Variants in PDXDC1 observed in about 807,000 individuals in gnomAD.
The protein encoded by PDXDC1 is pyridoxal dependent decarboxylase domain containing 1, also known as pyridoxal-dependent decarboxylase domain-containing protein 1.
Under a neutral mutation model 100.1 loss-of-function variants are expected in PDXDC1, and 42 were observed. The ratio of observed to expected loss-of-function variants is 0.42; its 90% CI spans 0.33 to 0.54. The LOEUF (loss-of-function observed/expected upper bound fraction) is 0.54. Ranked by LOEUF, PDXDC1 falls within the 20% of genes least tolerant of loss-of-function variation. The pLI, the probability that PDXDC1 is intolerant of heterozygous loss-of-function variation, is 0.10. For missense variants in PDXDC1, 636 were observed against 979.2 expected (o/e 0.65, Z 4.68); for synonymous variants, 260 against 371.7 (o/e 0.70, Z 3.46).
intron 16 of PDXDC1, among the ~76,000 whole-genome samples, chr16:15,110,128 C>T (rs4125492): frequency 2.0e-5 from 3 of 146,544 alleles, no homozygotes; most frequent in African/African-American, 5.0e-5. Context: ...CTGGGCAACA[C>T]GAGCAAAGCC....
downstream of PDXDC1, among the ~76,000 whole-genome samples, chr16:15,141,079 C>T (rs1333844087): frequency 6.7e-6 from 1 of 149,810 alleles, no homozygotes; most frequent in Non-Finnish European, 1.5e-5. Flanking sequence ...CGCCCAGCCC[C>T]TGCCAGTCCC....
intron 16 of PDXDC1, among the ~76,000 whole-genome samples, chr16:15,059,033 G>A (rs1214484891): frequency 2.0e-5 from 3 of 152,194 alleles, no homozygotes; most frequent in African/African-American, 7.2e-5. Context: ...AGCTTTGGAT[G>A]TTCAATTAGT....
At chr16:15,135,815 G>T in intron 16 of PDXDC1, 2 of 1,500,608 alleles carry the variant, frequency 1.3e-6, no homozygotes, top group Non-Finnish European at 9.3e-7. Context: ...AGGGGCCACC[G>T]TCACATTGGC....
rs1481675815 is a variant in PDXDC1, at chr16:15,028,889, A to C, written c.1216A>C (p.Lys406Gln). 6.2e-7 allele frequency: 1 copy of C among 1,613,908 alleles called. No homozygotes were observed. The highest frequency in any genetic ancestry group is 1.7e-5 in the Admixed American group (1 of 60,020). Residue 406 changes from lysine (K) to glutamine (Q), a missense_variant, in exon 15 of 23, where the codon AAA becomes CAA. Transcript: ENST00000396410. ...QELPGSDPVF[K>Q]AVPVPNMTPS... is the part of the protein sequence containing the mutation. ...TGTTTTGGTGTCAGATCCGGTGTTT[A>C]AAGCCGTCCCAGTGCCCAACATGAC... is the stretch of plus-strand genomic sequence containing the variant.
chr16:15,052,836 AT>A (rs922899385), intron 16 of PDXDC1, among the ~76,000 whole-genome samples: 1 of 152,098 alleles, frequency 6.6e-6, no homozygotes, highest in African/African-American at 2.4e-5. Flanking sequence ...CAAAAAAAAA[AT>A]AAATAAATAA....
intron 16 of PDXDC1, chr16:15,061,155 ACT>A (rs2044696200): frequency 6.6e-6 from 1 of 152,124 alleles, no homozygotes; most frequent in South Asian, 2.1e-4. Context: ...GCCAGCTCCA[ACT>A]CTGTGTCCCA....
At chr16:14,989,109 G>A (rs1307731022) in intron 1 of PDXDC1, 18 of 1,614,160 alleles carry the variant, frequency 1.1e-5, no homozygotes, top group African/African-American at 2.7e-5. Flanking sequence ...GTGGGTGTCA[G>A]TGATCTTCAT....
At chr16:15,064,245 G>A (rs1234182381) in intron 16 of PDXDC1, among the ~76,000 whole-genome samples, 3 of 151,410 alleles carry the variant, frequency 2.0e-5, no homozygotes, top group Non-Finnish European at 4.4e-5. Context: ...GTGCAATCTC[G>A]GCTCACTGCA....
At chr16:15,093,539 A>G (rs2046225541) in intron 16 of PDXDC1, among the ~76,000 whole-genome samples, 1 of 152,212 alleles carries the variant, frequency 6.6e-6, no homozygotes, top group Admixed American at 6.5e-5. Flanking sequence ...TGTTTAACAC[A>G]GTAAGCAGGA....
rs370310353 is a variant in PDXDC1, at chr16:15,047,238, G to C, written c.1399+17182G>C. Reference sequence around the variant, plus strand: ...AGCCTTCCATCTCAAATCCAGCACAGACTCCTTGCCTGTGCCCAGCACCCA... The same window carrying C: ...AGCCTTCCATCTCAAATCCAGCACACACTCCTTGCCTGTGCCCAGCACCCA... On this transcript the variant is annotated intron_variant, in intron 16 of 16. Transcript: ENST00000535621. 3.4e-5 allele frequency: 19 copies of C among 557,680 alleles called. No homozygotes were observed. The South Asian group carries it at 3.7e-4, about 11-fold the overall frequency. 34.5% of individuals were successfully genotyped at this position (557,680 alleles called of 1,614,324 possible).
chr16:15,009,055 G>T (rs1285811527), intron 7 of PDXDC1, among the ~76,000 whole-genome samples: 1 of 152,402 alleles, frequency 6.6e-6, no homozygotes, highest in African/African-American at 2.4e-5. Flanking sequence ...TGGCTTTTAA[G>T]GAGTCTTGTA....
At chr16:14,975,016 G>T (rs1401984502), upstream of PDXDC1, 21 of 1,533,138 alleles carry the variant, frequency 1.4e-5, no homozygotes, top group Admixed American at 2.0e-5. Flanking sequence ...ACGGGGCCCC[G>T]CCCCGCCGCC....
At chr16:15,101,722 A>ATCATT (rs2046556639) in intron 16 of PDXDC1, among the ~76,000 whole-genome samples, 2 of 148,824 alleles carry the variant, frequency 1.3e-5, no homozygotes, top group Non-Finnish European at 3.0e-5. Context: ...CCCAGGTTAG[A>ATCATT]GTGCAGTGGC....
intron 16 of PDXDC1, chr16:15,047,823 A>G (rs2044136892): frequency 6.4e-7 from 1 of 1,561,924 alleles, no homozygotes; most frequent in Non-Finnish European, 8.8e-7. Flanking sequence ...GGTCAGTTTA[A>G]GTAATGGTTT....
rs1470154023 is a variant in PDXDC1, at chr16:15,126,020, G to C, written c.1400-12859G>C. 6 of 594,430 alleles carry C rather than the reference G, an allele frequency of 1.0e-5. No homozygotes were observed. In the Admixed American group the frequency reaches 1.5e-4, roughly 15 times the overall value. The allele number at this position is 594,430 out of a possible 1,614,324, so 36.8% of individuals were successfully genotyped here. ...TTGACAGCAGACTGGTGCAGCTAAG[G>C]AACAGAGTTTTCAATTTCATTTTTT... On this transcript the variant is annotated intron_variant, in intron 16 of 16. Coordinates refer to the PDXDC1 transcript ENST00000535621.
chr16:15,020,654 A>G (rs2042122830), intron 12 of PDXDC1, among the ~76,000 whole-genome samples: 1 of 151,478 alleles, frequency 6.6e-6, no homozygotes, highest in Non-Finnish European at 1.5e-5. Flanking sequence ...GCGCCACTGC[A>G]CTCCAGCCAG....
intron 16 of PDXDC1, chr16:15,083,720 T>A: frequency 7.9e-7 from 1 of 1,270,032 alleles, no homozygotes; most frequent in Admixed American, 2.8e-5. Flanking sequence ...GAACTGGAAC[T>A]TTTTTTGTTT....
chr16:15,061,836 T>A lies in PDXDC1; in HGVS notation c.1399+31780T>A, dbSNP rs775420157. On this transcript the variant is annotated intron_variant, in intron 16 of 16. Coordinates refer to the PDXDC1 transcript ENST00000535621. ...TGCGTGTCAAAGGAGCTTGGTGTGA[T>A]CCCAATCACGGTATCATTCTGGGGC... is the stretch of plus-strand genomic sequence containing the variant. 8 of 1,614,168 alleles carry A rather than the reference T, an allele frequency of 5.0e-6. No homozygotes were observed. In the Middle Eastern group the frequency reaches 4.9e-4, roughly 100 times the overall value.
intron 16 of PDXDC1, among the ~76,000 whole-genome samples, chr16:15,050,223 CT>C (rs1210169952): frequency 2.0e-5 from 3 of 152,170 alleles, no homozygotes; most frequent in Non-Finnish European, 4.4e-5. Flanking sequence ...TTAACAAAAA[CT>C]TTTTCAAAAT....
Sources: gnomAD v4.1 joint callset for allele counts (sites outside exome capture counted in the v4.1 genomes callset) on GRCh38, gnomAD v4.1.1 for gene constraint, MANE v1.5 for transcripts, NCBI Gene and HGNC (gene_info 2026-07-23, HGNC 2026-07-21) for gene names.